The following SHROOM3 variants were observed in gnomAD, a reference collection of about 807,000 sequenced individuals.
SHROOM3 encodes the protein protein Shroom3.
In SHROOM3, 47 loss-of-function variants were observed where a neutral mutation model predicts 138.6. The observed-to-expected ratio is 0.34, with a 90% CI of 0.27 to 0.43. The LOEUF is 0.43. Among genes scored for constraint, SHROOM3 ranks in the 20% least tolerant of loss-of-function variants. The probability of loss-of-function intolerance (pLI) is 1.00; values close to 1 mark genes in which losing one functional copy is unlikely to be tolerated. For missense variants in SHROOM3, 2,491 were observed against 2,596.5 expected (o/e 0.96, Z 0.88); for synonymous variants, 1,062 against 1,063.3 (o/e 1.00, Z 0.02).
rs778522713 is a variant in SHROOM3 at position 76,740,000 on chromosome 4, G to C, written c.1827G>C (p.Gln609His). The C allele has an allele frequency of 6.2e-7, 1 of 1,614,022 alleles. No homozygotes were observed. Among genetic ancestry groups the C allele is most frequent in the East Asian group, 2.2e-5 (1 of 44,868 alleles). ...HPHSLKCPQA[Q>H]AWQAGEDKRS... is the part of the protein sequence containing the mutation. ...ACAGCCTCAAATGCCCTCAGGCTCA[G>C]GCCTGGCAAGCGGGTGAAGACAAGA... Residue 609 changes from glutamine to histidine, a missense_variant, in exon 5 of 11, where the codon CAG (glutamine) becomes CAC (histidine). Physicochemically the swap from Gln to His is conservative, Grantham distance 24. Transcript: ENST00000296043.
At chr4:76,607,056 G>T (rs2110058426) in intron 2 of SHROOM3, among the ~76,000 whole-genome samples, 2 of 152,140 alleles carry the variant, frequency 1.3e-5, no homozygotes, top group African/African-American at 4.8e-5. Flanking sequence ...TTTGAGATTT[G>T]CAGTGTGCTC....
intron 4 of SHROOM3, among the ~76,000 whole-genome samples, chr4:76,733,801 G>A (rs1720951713): frequency 6.6e-6 from 1 of 152,168 alleles, no homozygotes; most frequent in African/African-American, 2.4e-5. Context: ...GGGGTGAGAG[G>A]ATGAGGGAGA....
chr4:76,476,115 T>C (rs1411494594), intron 1 of SHROOM3, among the ~76,000 whole-genome samples: 1 of 152,190 alleles, frequency 6.6e-6, no homozygotes, highest in Non-Finnish European at 1.5e-5. Context: ...CAGCAGAATA[T>C]GTCTATGATC....
intron 6 of SHROOM3, among the ~76,000 whole-genome samples, chr4:76,751,843 A>C (rs1721634466): frequency 6.6e-6 from 1 of 152,238 alleles, no homozygotes; most frequent in Non-Finnish European, 1.5e-5. Flanking sequence ...GAAATTAGAA[A>C]CCTTGCACAC....
chr4:76,619,417 C>CCTGCT (rs1433206492), intron 2 of SHROOM3, among the ~76,000 whole-genome samples: 2 of 152,018 alleles, frequency 1.3e-5, no homozygotes, highest in Non-Finnish European at 2.9e-5. Flanking sequence ...GGGAGAGCAG[C>CCTGCT]CTGCTCTTAA....
intron 2 of SHROOM3, among the ~76,000 whole-genome samples, chr4:76,698,229 G>A (rs1162017935): frequency 6.6e-6 from 1 of 152,114 alleles, no homozygotes; most frequent in South Asian, 2.1e-4. Flanking sequence ...AAAGCAGAAC[G>A]AATCTTGGAT....
intron 8 of SHROOM3, 26 bp from the exon 9 acceptor site, chr4:76,759,519 T>A: frequency 6.2e-7 from 1 of 1,613,796 alleles, no homozygotes; most frequent in Non-Finnish European, 8.5e-7. Flanking sequence ...TCTGTGTGGC[T>A]ATACTTTGTG....
chr4:76,588,830 T>C (rs973374755), intron 2 of SHROOM3, among the ~76,000 whole-genome samples: 3 of 152,000 alleles, frequency 2.0e-5, no homozygotes, highest in African/African-American at 7.3e-5. Context: ...CGCTGGTTAA[T>C]AGGGAAAAGG....
chr4:76,529,442 G>A (rs535408529), intron 1 of SHROOM3, among the ~76,000 whole-genome samples: 11 of 151,908 alleles, frequency 7.2e-5, no homozygotes, highest in East Asian at 1.9e-4. Context: ...TCAGCCTCCC[G>A]AATAGCTGGG....
At chr4:76,661,223 T>A (rs1349777153) in intron 2 of SHROOM3, among the ~76,000 whole-genome samples, 1 of 151,954 alleles carries the variant, frequency 6.6e-6, no homozygotes, top group Non-Finnish European at 1.5e-5. Context: ...TATCAAACTA[T>A]AATCCATTTT....
chr4:76,455,532 C>A (rs1056512924), intron 1 of SHROOM3, among the ~76,000 whole-genome samples: 1 of 151,688 alleles, frequency 6.6e-6, no homozygotes, highest in Admixed American at 6.6e-5. Context: ...GGGATAAGAT[C>A]CTTAATACTG....
intron 1 of SHROOM3, among the ~76,000 whole-genome samples, chr4:76,554,110 C>T (rs1259477907): frequency 6.6e-6 from 1 of 152,228 alleles, no homozygotes; most frequent in East Asian, 1.9e-4. Context: ...CCACCATATT[C>T]ATCCTACCCT....
chr4:76,617,039 T>C (rs1734897555), intron 2 of SHROOM3, among the ~76,000 whole-genome samples: 1 of 152,186 alleles, frequency 6.6e-6, no homozygotes, highest in South Asian at 2.1e-4. Flanking sequence ...AAAGGTGAAG[T>C]AGCACTGTAT....
At chr4:76,613,782 CT>C (rs1173877530) in intron 2 of SHROOM3, among the ~76,000 whole-genome samples, 4 of 152,164 alleles carry the variant, frequency 2.6e-5, no homozygotes, top group African/African-American at 9.7e-5. Flanking sequence ...ATTGGCCATG[CT>C]GCATGCTCAA....
At chr4:76,748,582 T>A (rs1315750355) in intron 5 of SHROOM3, among the ~76,000 whole-genome samples, 1 of 152,196 alleles carries the variant, frequency 6.6e-6, no homozygotes, top group African/African-American at 2.4e-5. Flanking sequence ...CTAGGAACAT[T>A]TGAGATTTTT....
chr4:76,522,889 A>G (rs561303791), intron 1 of SHROOM3, among the ~76,000 whole-genome samples: 5 of 152,236 alleles, frequency 3.3e-5, no homozygotes, highest in African/African-American at 9.6e-5. Context: ...CACATTATAC[A>G]TACATTTTCT....
intron 2 of SHROOM3, among the ~76,000 whole-genome samples, chr4:76,632,802 GA>G (rs1735364271): frequency 6.6e-6 from 1 of 152,068 alleles, no homozygotes. Context: ...TACTTGGGGG[GA>G]TTAAGTTTTC....
At chr4:76,605,790 G>A (rs942192344) in intron 2 of SHROOM3, among the ~76,000 whole-genome samples, 28 of 151,462 alleles carry the variant, frequency 1.8e-4, no homozygotes, top group African/African-American at 6.5e-4. Flanking sequence ...TTTCTAAAAT[G>A]TGACCTTAAA....
chr4:76,590,428 G>A (rs754104954), intron 2 of SHROOM3, among the ~76,000 whole-genome samples: 22 of 151,984 alleles, frequency 1.4e-4, no homozygotes, highest in African/African-American at 2.2e-4. Context: ...GCAGAGCTCC[G>A]AGCTCAGGCC....
Sources: gnomAD v4.1 joint callset for allele counts (sites outside exome capture counted in the v4.1 genomes callset) on GRCh38, gnomAD v4.1.1 for gene constraint, MANE v1.5 for transcripts, NCBI Gene and HGNC (gene_info 2026-07-23, HGNC 2026-07-21) for gene names.